CDH2: variants seen among roughly 807,000 people sequenced by gnomAD.
The protein encoded by CDH2 is cadherin-2.
Under a neutral mutation model 92.0 loss-of-function variants are expected in CDH2, and 17 were observed. That is an observed-to-expected ratio of 0.18 (90% CI 0.13 to 0.28). The LOEUF (loss-of-function observed/expected upper bound fraction) is 0.28, where lower values mean the gene tolerates loss of function less well. Among genes scored for constraint, CDH2 ranks in the 10% least tolerant of loss-of-function variants. CDH2 has a pLI of 1.00. For missense variants in CDH2, 862 were observed against 1,133.1 expected (o/e 0.76, Z 3.44); for synonymous variants, 419 against 415.9 (o/e 1.01, Z -0.09).
downstream of CDH2, among the ~76,000 whole-genome samples, chr18:27,950,461 C>G (rs550347909): frequency 6.6e-5 from 10 of 152,182 alleles, no homozygotes; most frequent in African/African-American, 2.4e-4. Context: ...ATGATCAAGT[C>G]AATGGATAAA....
intron 5 of CDH2, among the ~76,000 whole-genome samples, 184 bp from the exon 6 acceptor site, chr18:28,006,177 C>T (rs754618886): frequency 6.6e-6 from 1 of 152,078 alleles, no homozygotes; most frequent in Non-Finnish European, 1.5e-5. Flanking sequence ...TAGCAAAAAG[C>T]CATCATTTAC....
chr18:28,006,164 T>C (rs1036438987), intron 5 of CDH2, among the ~76,000 whole-genome samples, 171 bp from the exon 6 acceptor site: 11 of 152,168 alleles, frequency 7.2e-5, no homozygotes, highest in African/African-American at 2.4e-4. Flanking sequence ...AGGATAGATA[T>C]AGTAGCAAAA....
intron 1 of CDH2, among the ~76,000 whole-genome samples, chr18:28,175,312 A>G (rs2016521094): frequency 6.6e-6 from 1 of 152,236 alleles, no homozygotes; most frequent in South Asian, 2.1e-4. Flanking sequence ...GAGAGAGCCG[A>G]GTGGCGGATG....
intron 15 of CDH2, among the ~76,000 whole-genome samples, chr18:27,958,119 A>C (rs1281183796): frequency 1.3e-5 from 2 of 152,244 alleles, no homozygotes; most frequent in Admixed American, 6.5e-5. Flanking sequence ...TTTACAAATA[A>C]GAAAACTGAA....
chr18:27,992,817 G>A lies in CDH2; in HGVS notation c.1182C>T (p.Asn394=), dbSNP rs765590726. The change falls in exon 9 of 16, where the codon AAC becomes AAT. Residue 394 remains asparagine, a synonymous_variant. Coordinates refer to ENST00000269141, the MANE Select transcript of CDH2 (RefSeq NM_001792.5). The part of the protein sequence containing the change: ...AMTFYGEVPE[N]RVDIIVANLT... ...GATTAGCTACTATGATGTCTACCCT[G>A]TTCTCAGGAACTTCACCATAAAACT... The A allele has an allele frequency of 1.9e-6, 3 of 1,613,044 alleles. No individual in the cohort carries two copies. The highest frequency in any genetic ancestry group is 2.5e-6 in the Non-Finnish European group (3 of 1,179,454).
rs773237462 is a variant in CDH2 at position 28,013,825 on chromosome 18, A to G, written c.257T>C (p.Met86Thr). 2.5e-6 allele frequency: 4 copies of G among 1,614,038 alleles called. No individual in the cohort carries two copies. Among genetic ancestry groups the G allele is most frequent in the South Asian group, 2.2e-5 (2 of 91,076 alleles). ...PADFKVDEDG[M>T]VYAVRSFPLS... ...TGGAAAGCTTCTCACGGCATACACC[A>G]TGCCATCTTCATCCACCTTAAAATC... is the stretch of plus-strand genomic sequence containing the variant. Residue 86 changes from methionine to threonine, a missense_variant, in exon 3 of 16, where the codon ATG (methionine) becomes ACG (threonine). Physicochemically the swap from Met to Thr is moderately conservative, Grantham distance 81. Around this residue, in one of 5 missense-constraint regions of CDH2, gnomAD observed 159 missense variants for 177.2 expected, o/e 0.90. Coordinates refer to ENST00000269141, the MANE Select transcript of CDH2 (RefSeq NM_001792.5).
At chr18:28,044,529 A>C (rs1413049827) in intron 2 of CDH2, among the ~76,000 whole-genome samples, 1 of 152,172 alleles carries the variant, frequency 6.6e-6, no homozygotes, top group Non-Finnish European at 1.5e-5. Flanking sequence ...TAAGACTATA[A>C]ATATTCCAAT....
intron 1 of CDH2, among the ~76,000 whole-genome samples, chr18:28,176,270 G>GA (rs1326880473): frequency 4.6e-5 from 7 of 152,190 alleles, no homozygotes; most frequent in Non-Finnish European, 1.0e-4. Flanking sequence ...TCGCCCGGGG[G>GA]AGATACTAGG....
intron 14 of CDH2, among the ~76,000 whole-genome samples, chr18:27,964,378 C>T (rs1236057622): frequency 6.6e-6 from 1 of 152,182 alleles, no homozygotes; most frequent in Non-Finnish European, 1.5e-5. Flanking sequence ...AAAGAGACTA[C>T]AATGTGGAAA....
intron 1 of CDH2, among the ~76,000 whole-genome samples, chr18:28,155,658 G>A (rs1049777177): frequency 6.6e-6 from 1 of 152,140 alleles, no homozygotes. Context: ...CGACATAAGC[G>A]AACATAAACA....
intron 2 of CDH2, among the ~76,000 whole-genome samples, chr18:28,075,943 T>A (rs1194208224): frequency 6.6e-6 from 1 of 152,188 alleles, no homozygotes; most frequent in Admixed American, 6.5e-5. Flanking sequence ...ATAGGGTAAG[T>A]AAGAATTGAA....
chr18:28,122,362 T>G (rs1328297981), intron 2 of CDH2, among the ~76,000 whole-genome samples: 1 of 152,194 alleles, frequency 6.6e-6, no homozygotes, highest in Non-Finnish European at 1.5e-5. Flanking sequence ...ATGGTATTTG[T>G]GCACAGCAGG....
intron 2 of CDH2, among the ~76,000 whole-genome samples, chr18:28,049,890 A>C (rs1343272738): frequency 6.6e-6 from 1 of 152,134 alleles, no homozygotes; most frequent in Non-Finnish European, 1.5e-5. Context: ...CATTTCATTG[A>C]TGTTTAGTGT....
chr18:27,954,058 GTAC>G (rs1210316510), intron 15 of CDH2, among the ~76,000 whole-genome samples: 1 of 152,058 alleles, frequency 6.6e-6, no homozygotes, highest in East Asian at 1.9e-4. Context: ...AAATTTAGCA[GTAC>G]TTTACTACTT....
chr18:27,958,604 T>C (rs2011316262), intron 15 of CDH2, among the ~76,000 whole-genome samples: 1 of 150,986 alleles, frequency 6.6e-6, no homozygotes, highest in Non-Finnish European at 1.5e-5. Flanking sequence ...TAAGTGTATA[T>C]TTATATATGT....
chr18:28,135,681 TCA>T (rs2015849927), intron 2 of CDH2, among the ~76,000 whole-genome samples: 1 of 152,222 alleles, frequency 6.6e-6, no homozygotes, highest in Non-Finnish European at 1.5e-5. Context: ...ATACCAGATC[TCA>T]GTGACTGAAC....
chr18:28,138,952 T>C (rs1049576571), intron 2 of CDH2, among the ~76,000 whole-genome samples: 3 of 152,060 alleles, frequency 2.0e-5, no homozygotes, highest in Non-Finnish European at 4.4e-5. Flanking sequence ...ACAGTAGTAT[T>C]CTTGCAGAAA....
At chr18:28,093,734 C>T (rs1384652458) in intron 2 of CDH2, among the ~76,000 whole-genome samples, 1 of 152,168 alleles carries the variant, frequency 6.6e-6, no homozygotes, top group African/African-American at 2.4e-5. Context: ...TTCTTTTATA[C>T]ATTATACTGA....
At chr18:28,076,530 TAC>T (rs1433126007) in intron 2 of CDH2, among the ~76,000 whole-genome samples, 8 of 152,156 alleles carry the variant, frequency 5.3e-5, no homozygotes, top group Admixed American at 3.3e-4. Context: ...ACATTTTAGA[TAC>T]AGTTTTTTTT....
Sources: allele counts gnomAD v4.1 joint callset (sites outside exome capture counted in the v4.1 genomes callset), GRCh38; gene constraint gnomAD v4.1.1; regional missense constraint gnomAD v4.1.1; transcripts MANE v1.5; gene names NCBI Gene and HGNC (gene_info 2026-07-23, HGNC 2026-07-21).